Variants in ZNF626 observed in about 807,000 individuals in gnomAD.
ZNF626 encodes the protein CTC-513N18.7.
Under a neutral mutation model 11.7 loss-of-function variants are expected in ZNF626, and 4 were observed. That is an observed-to-expected ratio of 0.34 (90% CI 0.17 to 0.78). The LOEUF is 0.78. Among genes scored for constraint, ZNF626 ranks in the 30% least tolerant of loss-of-function variants. The probability of loss-of-function intolerance (pLI) is 0.57; values close to 1 mark genes in which losing one functional copy is unlikely to be tolerated. For missense variants in ZNF626, 588 were observed against 587.1 expected, an observed-to-expected ratio of 1.00 and a Z score of -0.01; for synonymous variants, 179 against 198.6, an observed-to-expected ratio of 0.90 and a Z score of 0.83.
chr19:20,626,647 T>A (rs1555769780), intron 3 of ZNF626, among the ~76,000 whole-genome samples: 1 of 151,948 alleles, frequency 6.6e-6, no homozygotes, highest in Non-Finnish European at 1.5e-5. Flanking sequence ...TGCTTGAACC[T>A]GGGAGGGGAC....
At chr19:20,646,877 C>A (rs1001093812) in intron 1 of ZNF626, among the ~76,000 whole-genome samples, 4 of 151,286 alleles carry the variant, frequency 2.6e-5, no homozygotes, top group African/African-American at 9.8e-5. Flanking sequence ...GATGGAGTTT[C>A]GCTCTTGTTG....
intron 1 of ZNF626, among the ~76,000 whole-genome samples, chr19:20,650,921 G>C (rs1466821141): frequency 6.6e-6 from 1 of 152,158 alleles, no homozygotes; most frequent in African/African-American, 2.4e-5. Flanking sequence ...GGGCCTGGTG[G>C]CTCATGCCTG....
At chr19:20,631,232 G>C (rs1969900843) in intron 3 of ZNF626, among the ~76,000 whole-genome samples, 1 of 151,890 alleles carries the variant, frequency 6.6e-6, no homozygotes, top group Non-Finnish European at 1.5e-5. Context: ...GTGTGGTGCT[G>C]AAAATAATGT....
intron 1 of ZNF626, among the ~76,000 whole-genome samples, chr19:20,656,683 T>TAA (rs143396017): frequency 7.0e-6 from 1 of 143,694 alleles, no homozygotes; most frequent in Non-Finnish European, 1.5e-5. Flanking sequence ...CAAGCATTAT[T>TAA]AAAAAAAAAA....
At chr19:20,656,425 A>G (rs1970206133) in intron 1 of ZNF626, among the ~76,000 whole-genome samples, 1 of 152,190 alleles carries the variant, frequency 6.6e-6, no homozygotes, top group Admixed American at 6.5e-5. Flanking sequence ...CAACAAAAGC[A>G]AAAACTGACA....
intron 3 of ZNF626, among the ~76,000 whole-genome samples, chr19:20,632,549 C>T (rs1437583128): frequency 3.3e-5 from 5 of 152,172 alleles, no homozygotes; most frequent in African/African-American, 7.2e-5. Context: ...CATTTTCCAT[C>T]GCTGATACCC....
At chr19:20,646,244 C>T (rs576016457) in intron 2 of ZNF626, 35 bp downstream of exon 2, 2 of 1,557,626 alleles carry the variant, frequency 1.3e-6, no homozygotes, top group South Asian at 2.5e-5. Context: ...TAAATAAAAT[C>T]TATAGGGTAT....
At chr19:20,660,334 A>T (rs1391539869) in intron 1 of ZNF626, among the ~76,000 whole-genome samples, 1 of 104,666 alleles carries the variant, frequency 9.6e-6, no homozygotes, top group Non-Finnish European at 1.7e-5. Flanking sequence ...TAATGTCCAC[A>T]TCAGTTATTC....
In ZNF626 at chr19:20,645,946, G is replaced by T. The variant is rs558451496; in HGVS notation, c.131-167C>A. Among the ~76,000 whole-genome samples, 3 of 152,210 alleles carry T rather than the reference G, an allele frequency of 2.0e-5. No homozygotes were observed. In the East Asian group the frequency reaches 5.8e-4, roughly 29 times the overall value. Reference sequence around the variant, plus strand: ...AATTAGAAAATACTTTCAATTTGTAGGTTTCTTAATTTTACTACCTGGTGC... The same window carrying T: ...AATTAGAAAATACTTTCAATTTGTATGTTTCTTAATTTTACTACCTGGTGC... On this transcript the variant is annotated intron_variant, in intron 2 of 3. Coordinates refer to ENST00000601440, the MANE Select transcript of ZNF626 (RefSeq NM_001076675.3).
At chr19:20,654,610 G>C (rs911833305) in intron 1 of ZNF626, among the ~76,000 whole-genome samples, 6 of 152,038 alleles carry the variant, frequency 3.9e-5, no homozygotes, top group Admixed American at 6.6e-5. Flanking sequence ...TCGGGAGGCT[G>C]AGGCAGGAGA....
chr19:20,646,837 C>T (rs1970084775), intron 1 of ZNF626, among the ~76,000 whole-genome samples: 1 of 148,586 alleles, frequency 6.7e-6, no homozygotes, highest in Admixed American at 6.6e-5. Flanking sequence ...GGAATAAAGT[C>T]TGATTTATTT....
chr19:20,651,396 T>C (rs993255491), intron 1 of ZNF626, among the ~76,000 whole-genome samples: 1 of 151,512 alleles, frequency 6.6e-6, no homozygotes, highest in Non-Finnish European at 1.5e-5. Context: ...GTAGGAACCA[T>C]GGCTGCTTCA....
At chr19:20,625,937 T>C (rs1390333604) in intron 3 of ZNF626, among the ~76,000 whole-genome samples, 1 of 152,110 alleles carries the variant, frequency 6.6e-6, no homozygotes, top group Non-Finnish European at 1.5e-5. Flanking sequence ...ACACAGCTGG[T>C]TTTGCTCTCC....
At chr19:20,646,812 TC>T (rs1458214778) in intron 1 of ZNF626, among the ~76,000 whole-genome samples, 2 of 152,074 alleles carry the variant, frequency 1.3e-5, no homozygotes, top group African/African-American at 4.8e-5. Flanking sequence ...AGGTTTTTTT[TC>T]CCCCAGAAGA....
At chr19:20,661,350 T>A (rs188191434) in intron 1 of ZNF626, 94 bp downstream of exon 1, 22 of 1,505,062 alleles carry the variant, frequency 1.5e-5, no homozygotes, top group Non-Finnish European at 1.9e-5. Flanking sequence ...ACTGTGGAGC[T>A]GACTGCGGGG....
chr19:20,660,804 G>A (rs560969283), intron 1 of ZNF626, among the ~76,000 whole-genome samples: 2 of 152,334 alleles, frequency 1.3e-5, no homozygotes, highest in East Asian at 3.9e-4. Flanking sequence ...AATCTAAGCT[G>A]ATCCTGGTAA....
chr19:20,649,945 C>G (rs1970127541), intron 1 of ZNF626, among the ~76,000 whole-genome samples: 1 of 152,202 alleles, frequency 6.6e-6, no homozygotes, highest in African/African-American at 2.4e-5. Flanking sequence ...CCATCTCCAT[C>G]CAAAAGTTTT....
intron 1 of ZNF626, among the ~76,000 whole-genome samples, chr19:20,659,819 C>G (rs910755285): frequency 8.6e-5 from 13 of 152,000 alleles, no homozygotes; most frequent in Non-Finnish European, 1.2e-4. Flanking sequence ...TCCCAGTTTC[C>G]TTTCATCTTA....
chr19:20,626,477 A>AG (rs1394153697), intron 3 of ZNF626, among the ~76,000 whole-genome samples: 7 of 152,176 alleles, frequency 4.6e-5, no homozygotes, highest in Non-Finnish European at 1.0e-4. Flanking sequence ...CCAACACACT[A>AG]GGGGGCCAAG....
Sources: allele counts gnomAD v4.1 joint callset (sites outside exome capture counted in the v4.1 genomes callset), GRCh38; gene constraint gnomAD v4.1.1; transcripts MANE v1.5; gene names NCBI Gene and HGNC (gene_info 2026-07-23, HGNC 2026-07-21).